ADIPOR2: variants seen among roughly 807,000 people sequenced by gnomAD.
ADIPOR2 encodes the protein adiponectin receptor protein 2.
A neutral mutation model predicts 40.9 loss-of-function variants in ADIPOR2; 18 were observed. That is an observed-to-expected ratio of 0.44 (90% CI 0.30 to 0.65). The LOEUF is 0.65. ADIPOR2 is among the 30% of genes least tolerant of loss of function. The pLI, the probability that ADIPOR2 is intolerant of heterozygous loss-of-function variation, is 0.09. For missense variants in ADIPOR2, 283 were observed against 479.2 expected, an observed-to-expected ratio of 0.59 and a Z score of 3.82; for synonymous variants, 165 against 166.4, an observed-to-expected ratio of 0.99 and a Z score of 0.06.
chr12:1,732,163 T>G (rs2094721842), intron 1 of ADIPOR2, among the ~76,000 whole-genome samples: 1 of 152,244 alleles, frequency 6.6e-6, no homozygotes, highest in Non-Finnish European at 1.5e-5. Context: ...TATGAACTGA[T>G]GTTAATACAT....
intron 1 of ADIPOR2, among the ~76,000 whole-genome samples, chr12:1,753,838 A>G (rs1862056040): frequency 6.7e-6 from 1 of 149,806 alleles, no homozygotes; most frequent in Non-Finnish European, 1.5e-5. Context: ...CTAATTTCTA[A>G]TTGTATACTA....
chr12:1,761,993 A>G (rs965490720), intron 2 of ADIPOR2, among the ~76,000 whole-genome samples: 3 of 152,190 alleles, frequency 2.0e-5, no homozygotes, highest in Admixed American at 6.5e-5. Flanking sequence ...CTGCTGCCCT[A>G]TCTGGCCAAC....
chr12:1,727,282 G>A (rs1026318294), intron 1 of ADIPOR2, among the ~76,000 whole-genome samples: 1 of 152,116 alleles, frequency 6.6e-6, no homozygotes, highest in East Asian at 1.9e-4. Flanking sequence ...CTGTAGAATA[G>A]ACTTTATTAT....
intron 2 of ADIPOR2, among the ~76,000 whole-genome samples, chr12:1,760,100 T>C (rs1207203901): frequency 9.0e-6 from 1 of 111,516 alleles, no homozygotes; most frequent in South Asian, 2.9e-4. Context: ...GGAAAACAAA[T>C]AAACAAAACC....
intron 2 of ADIPOR2, among the ~76,000 whole-genome samples, chr12:1,761,516 C>G (rs1862269845): frequency 6.6e-6 from 1 of 152,178 alleles, no homozygotes; most frequent in Admixed American, 6.5e-5. Context: ...CACACCCACA[C>G]TAACTATTGT....
At chr12:1,764,075 C>G (rs778191534) in intron 2 of ADIPOR2, among the ~76,000 whole-genome samples, 1 of 152,116 alleles carries the variant, frequency 6.6e-6, no homozygotes, top group Non-Finnish European at 1.5e-5. Flanking sequence ...AGTTTTAGTC[C>G]TGGCTGTACT....
At chr12:1,700,845 G>T (rs192682510) in intron 1 of ADIPOR2, among the ~76,000 whole-genome samples, 4 of 150,016 alleles carry the variant, frequency 2.7e-5, no homozygotes, top group Non-Finnish European at 5.9e-5. Flanking sequence ...TCAAGCCAAT[G>T]AAATACATTT....
intron 2 of ADIPOR2, among the ~76,000 whole-genome samples, chr12:1,762,700 T>C (rs1862295024): frequency 6.6e-6 from 1 of 152,210 alleles, no homozygotes; most frequent in Non-Finnish European, 1.5e-5. Flanking sequence ...TTTTTTGAGC[T>C]CATTTGAATA....
intron 5 of ADIPOR2, 125 bp downstream of exon 5, chr12:1,780,762 T>TA: frequency 7.4e-7 from 1 of 1,359,666 alleles, no homozygotes; most frequent in South Asian, 1.5e-5. Context: ...TTTTAAAAAT[T>TA]AAAGAGCAAC....
At chr12:1,745,735 G>C (rs1382375780) in intron 1 of ADIPOR2, among the ~76,000 whole-genome samples, 1 of 152,050 alleles carries the variant, frequency 6.6e-6, no homozygotes, top group African/African-American at 2.4e-5. Flanking sequence ...TTGATGTTTT[G>C]TTCTTGCTTC....
chr12:1,750,181 T>TA (rs2094765954), intron 1 of ADIPOR2, among the ~76,000 whole-genome samples: 1 of 152,156 alleles, frequency 6.6e-6, no homozygotes, highest in African/African-American at 2.4e-5. Context: ...AGCGTATACT[T>TA]AAAGTATTTA....
At chr12:1,770,391 ACT>A (rs1339488463) in intron 2 of ADIPOR2, among the ~76,000 whole-genome samples, 1 of 151,988 alleles carries the variant, frequency 6.6e-6, no homozygotes, top group Non-Finnish European at 1.5e-5. Context: ...GAGAATAAAG[ACT>A]CTTTGTTTCT....
chr12:1,784,015 C>T lies in ADIPOR2; in HGVS notation c.974C>T (p.Ala325Val). The T allele has an allele frequency of 6.2e-7, 1 of 1,613,010 alleles. No individual in the cohort carries two copies. Among genetic ancestry groups the T allele is most frequent in the Non-Finnish European group, 8.5e-7 (1 of 1,179,394 alleles). The change falls in exon 7 of 8, where the codon GCT becomes GTT. Residue 325 changes from alanine to valine, a missense_variant. Ala to Val is a moderately conservative substitution (Grantham distance 64, BLOSUM62 0). This residue lies in a region of ADIPOR2 where 106 missense variants were observed against 149.7 expected (regional missense o/e 0.71). Coordinates refer to ENST00000357103, the MANE Select transcript of ADIPOR2 (RefSeq NM_024551.3). ...ATGGCCAGCCTCTACATCACAGGAG[C>T]TGCCCTGTATGCTGCCCGGATCCCC... ...MLMASLYITG[A>V]ALYAARIPER...
intron 1 of ADIPOR2, among the ~76,000 whole-genome samples, chr12:1,700,909 TG>T (rs2094648843): frequency 2.0e-5 from 3 of 152,122 alleles, no homozygotes; most frequent in South Asian, 4.1e-4. Flanking sequence ...GGCCAATATA[TG>T]TTTTTTTTCC....
chr12:1,769,813 A>T (rs1862459953), intron 2 of ADIPOR2, among the ~76,000 whole-genome samples: 1 of 152,142 alleles, frequency 6.6e-6, no homozygotes, highest in African/African-American at 2.4e-5. Flanking sequence ...AAGTGCTGGG[A>T]TTACAGATGT....
intron 7 of ADIPOR2, 93 bp downstream of exon 7, chr12:1,784,166 AAGTC>A: frequency 1.5e-6 from 2 of 1,343,450 alleles, no homozygotes; most frequent in Non-Finnish European, 2.0e-6. Flanking sequence ...TTTAGACACA[AAGTC>A]AGGAGAGTTG....
chr12:1,729,686 C>T (rs535536745), intron 1 of ADIPOR2, among the ~76,000 whole-genome samples: 55 of 132,584 alleles, frequency 4.1e-4, no homozygotes, highest in African/African-American at 1.6e-3. Context: ...TTATCCTATC[C>T]CTAATAGTTG....
chr12:1,745,934 A>G (rs545544937), intron 1 of ADIPOR2, among the ~76,000 whole-genome samples: 33 of 151,516 alleles, frequency 2.2e-4, no homozygotes, highest in African/African-American at 8.1e-4. Context: ...GAACTTTTTG[A>G]AGATCCCTTG....
At chr12:1,757,677 A>G in intron 2 of ADIPOR2, 3 of 1,306,060 alleles carry the variant, frequency 2.3e-6, no homozygotes, top group South Asian at 1.2e-5. Context: ...CAGGTGTAAT[A>G]GGATGTACAG....
Sources: allele counts gnomAD v4.1 joint callset (sites outside exome capture counted in the v4.1 genomes callset), GRCh38; gene constraint gnomAD v4.1.1; regional missense constraint gnomAD v4.1.1; transcripts MANE v1.5; gene names NCBI Gene and HGNC (gene_info 2026-07-23, HGNC 2026-07-21).